The following CLSTN2 variants were observed in gnomAD, a reference collection of about 807,000 sequenced individuals.
CLSTN2 encodes calsyntenin-2.
A neutral mutation model predicts 101.2 loss-of-function variants in CLSTN2; 48 were observed. The observed-to-expected ratio is 0.47, with a 90% CI of 0.38 to 0.60. The LOEUF is 0.60. CLSTN2 is among the 20% of genes least tolerant of loss of function. The pLI is 0.00. For synonymous variants in CLSTN2, 481 were observed against 463.6 expected, an observed-to-expected ratio of 1.04 and a Z score of -0.48; for missense variants, 1,160 against 1,238.2, an observed-to-expected ratio of 0.94 and a Z score of 0.95.
At chr3:140,263,980 T>C (rs1038965863) in intron 2 of CLSTN2, among the ~76,000 whole-genome samples, 9 of 152,296 alleles carry the variant, frequency 5.9e-5, no homozygotes, top group East Asian at 5.8e-4. Flanking sequence ...CTACTTACTA[T>C]AAATTATCTG....
At chr3:140,261,748 T>C (rs1482080726) in intron 2 of CLSTN2, among the ~76,000 whole-genome samples, 1 of 152,196 alleles carries the variant, frequency 6.6e-6, no homozygotes. Flanking sequence ...AACATGAGTT[T>C]GTACTGATGT....
chr3:140,011,722 C>T (rs1413832342), intron 1 of CLSTN2, among the ~76,000 whole-genome samples: 1 of 152,070 alleles, frequency 6.6e-6, no homozygotes, highest in Non-Finnish European at 1.5e-5. Flanking sequence ...GACTGCTGGG[C>T]CCTTTTTCCT....
intron 2 of CLSTN2, among the ~76,000 whole-genome samples, chr3:140,328,255 A>T (rs1158457535): frequency 6.6e-6 from 1 of 152,160 alleles, no homozygotes; most frequent in East Asian, 1.9e-4. Flanking sequence ...TCTTTCCCGA[A>T]GTTCTCAGAG....
intron 1 of CLSTN2, among the ~76,000 whole-genome samples, chr3:139,998,509 AT>A: frequency 6.8e-6 from 1 of 147,012 alleles, no homozygotes; most frequent in African/African-American, 2.5e-5. Flanking sequence ...CGCCTGGCTA[AT>A]TTTTTTTGTA....
intron 6 of CLSTN2, among the ~76,000 whole-genome samples, chr3:140,450,939 C>T (rs976156974): frequency 1.3e-5 from 2 of 152,166 alleles, no homozygotes; most frequent in African/African-American, 2.4e-5. Context: ...ATCACCACAA[C>T]TTCAATATTC....
chr3:140,219,097 TTCATGTA>T (rs2086236672), intron 2 of CLSTN2, among the ~76,000 whole-genome samples: 2 of 151,932 alleles, frequency 1.3e-5, no homozygotes, highest in African/African-American at 4.8e-5. Flanking sequence ...ATTCCTGCAG[TTCATGTA>T]TCATGTATCC....
rs541380229 is a variant in CLSTN2, at chr3:140,297,212, G to A, written c.233-106417G>A. 1.2e-3 allele frequency among the ~76,000 whole-genome samples: 183 copies of A among 152,272 alleles called. 1 individual carries two copies. Among genetic ancestry groups the A allele is most frequent in the Admixed American group, 3.4e-3 (52 of 15,296 alleles). On this transcript the variant is annotated intron_variant, in intron 2 of 16. Coordinates refer to ENST00000458420, the MANE Select transcript of CLSTN2 (RefSeq NM_022131.3). Reference sequence around the variant, plus strand: ...TTTGGTGTTTATTCAGTCAGCCTCCGTCCTTGAACTGCTCTCCGCATCAAC... The same window carrying A: ...TTTGGTGTTTATTCAGTCAGCCTCCATCCTTGAACTGCTCTCCGCATCAAC...
At chr3:140,004,169 C>G (rs2006908684) in intron 1 of CLSTN2, among the ~76,000 whole-genome samples, 1 of 152,166 alleles carries the variant, frequency 6.6e-6, no homozygotes, top group African/African-American at 2.4e-5. Context: ...GTTTCCATAG[C>G]CAGGTAGCCT....
chr3:140,060,955 G>A (rs1171142433), intron 1 of CLSTN2, among the ~76,000 whole-genome samples: 1 of 152,142 alleles, frequency 6.6e-6, no homozygotes, highest in African/African-American at 2.4e-5. Flanking sequence ...GCCTGGAGAG[G>A]GAGACAGAGG....
At chr3:140,079,082 G>T (rs2008542667) in intron 1 of CLSTN2, among the ~76,000 whole-genome samples, 1 of 152,108 alleles carries the variant, frequency 6.6e-6, no homozygotes, top group African/African-American at 2.4e-5. Context: ...CATGAAACAG[G>T]ATCTCCCTAG....
intron 2 of CLSTN2, among the ~76,000 whole-genome samples, chr3:140,199,719 T>C (rs2010694091): frequency 6.6e-6 from 1 of 152,136 alleles, no homozygotes; most frequent in East Asian, 1.9e-4. Flanking sequence ...GGGCCTGGGG[T>C]GAGTTCTGGG....
chr3:140,545,868 C>T (rs574025539), intron 9 of CLSTN2, among the ~76,000 whole-genome samples: 1 of 152,260 alleles, frequency 6.6e-6, no homozygotes, highest in East Asian at 1.9e-4. Context: ...TCAGGGAAGT[C>T]CTTTTATGTA....
intron 8 of CLSTN2, among the ~76,000 whole-genome samples, chr3:140,520,751 T>A (rs1276380926): frequency 6.6e-6 from 1 of 152,204 alleles, no homozygotes; most frequent in Admixed American, 6.5e-5. Context: ...TCCTCAAGTA[T>A]GTTTTCCAAG....
intron 1 of CLSTN2, among the ~76,000 whole-genome samples, chr3:140,058,510 C>A (rs1323807988): frequency 6.6e-6 from 1 of 152,126 alleles, no homozygotes; most frequent in Non-Finnish European, 1.5e-5. Context: ...ATGGTGAAAG[C>A]TTGAGCTGGT....
intron 1 of CLSTN2, among the ~76,000 whole-genome samples, chr3:140,019,172 A>C (rs2007259273): frequency 6.6e-6 from 1 of 152,204 alleles, no homozygotes; most frequent in African/African-American, 2.4e-5. Context: ...GTGACGGTTA[A>C]TTTTATGTGT....
chr3:140,209,840 T>C (rs1248907013), intron 2 of CLSTN2, among the ~76,000 whole-genome samples: 1 of 152,162 alleles, frequency 6.6e-6, no homozygotes, highest in East Asian at 1.9e-4. Context: ...AGTGGTTCAA[T>C]TCTGAAGTGA....
rs2006891473 is a variant in CLSTN2 at position 140,003,558 on chromosome 3, A to T, written c.109+68075A>T. Among the ~76,000 whole-genome samples the T allele has an allele frequency of 2.0e-5, 3 of 152,164 alleles. No individual in the cohort carries two copies. The South Asian group carries it at 6.2e-4, about 32-fold the overall frequency. ...TCTGATTGCTCCAGCTAGGACTTCC[A>T]GTACTATGTTGAATAACAGTGGTAA... On this transcript the variant is annotated intron_variant, in intron 1 of 16. Transcript: ENST00000458420.
chr3:140,153,370 A>C (rs549523888), intron 1 of CLSTN2, among the ~76,000 whole-genome samples: 1 of 152,372 alleles, frequency 6.6e-6, no homozygotes, highest in Admixed American at 6.5e-5. Context: ...GGCTGGAGCC[A>C]CCTCCTTGCA....
intron 1 of CLSTN2, among the ~76,000 whole-genome samples, chr3:139,963,639 A>G (rs773725872): frequency 2.2e-4 from 33 of 152,340 alleles, no homozygotes; most frequent in African/African-American, 7.7e-4. Flanking sequence ...AGAGTCACTC[A>G]TCACAGTAAT....
Sources: allele counts gnomAD v4.1 joint callset (sites outside exome capture counted in the v4.1 genomes callset), GRCh38; gene constraint gnomAD v4.1.1; transcripts MANE v1.5; gene names NCBI Gene and HGNC (gene_info 2026-07-23, HGNC 2026-07-21).